LRP4: variants seen among roughly 807,000 people sequenced by gnomAD.
LRP4 encodes the protein low-density lipoprotein receptor-related protein 4.
In LRP4, 95 loss-of-function variants were observed where a neutral mutation model predicts 220.3. That is an observed-to-expected ratio of 0.43 (90% CI 0.37 to 0.51). LRP4 has a LOEUF of 0.51. Among genes scored for constraint, LRP4 ranks in the 20% least tolerant of loss-of-function variants. The pLI is 0.00. For missense variants in LRP4, 1,925 were observed against 2,567.0 expected (o/e 0.75, Z 5.40); for synonymous variants, 903 against 954.6 (o/e 0.95, Z 1.00).
intron 16 of LRP4, among the ~76,000 whole-genome samples, chr11:46,888,041 A>AAAAAG (rs1941336852): frequency 4.6e-5 from 6 of 131,100 alleles, no homozygotes; most frequent in African/African-American, 7.7e-5. Flanking sequence ...AAAAAAAAAA[A>AAAAAG]GGCCGGGGGC....
chr11:46,918,548 G>A lies in LRP4; in HGVS notation c.-169C>T, dbSNP rs1325341800. The A allele has an allele frequency of 6.8e-5, 18 of 263,050 alleles. No individual in the cohort carries two copies. The highest frequency in any genetic ancestry group is 3.9e-4 in the African/African-American group (17 of 43,462). The allele number at this position is 263,050 out of a possible 1,614,324, so 16.3% of individuals were successfully genotyped here. ...CGCCTCCAGTGCTGCCAGAGCCGAC[G>A]CTGCCCCGCCAGGGGACCGGGAGGG... On this transcript the variant is annotated 5_prime_UTR_variant, in exon 1 of 38. Coordinates refer to ENST00000378623, the MANE Select transcript of LRP4 (RefSeq NM_002334.4). The surrounding 1 kb of genome is among the most constrained non-coding windows in gnomAD (Gnocchi z 6.0).
rs767110056 is a variant in LRP4 at position 46,896,257 on chromosome 11, A to C, written c.1001T>G (p.Val334Gly). The C allele has an allele frequency of 8.7e-6, 14 of 1,613,916 alleles. No homozygotes were observed. Among genetic ancestry groups the C allele is most frequent in the Middle Eastern group, 1.6e-4 (1 of 6,084 alleles). The change falls in exon 9 of 38, where the codon GTC becomes GGC. Residue 334 changes from valine (V) to glycine (G), a missense_variant. By Grantham distance (109) the Val-to-Gly change is moderately radical. Around this residue, in one of 3 missense-constraint regions of LRP4, gnomAD observed 412 missense variants for 505.4 expected, o/e 0.82. Transcript: ENST00000378623. ...CIGQRKLCNGVNDCGDNSDES... is the reference protein window; with the variant it reads ...CIGQRKLCNGGNDCGDNSDES... The stretch of plus-strand genomic sequence containing the variant: ...GTCGCTGTTGTCACCACAGTCGTTG[A>C]CCCCGTTGCACAGCTTCCTCTGCCC...
intron 1 of LRP4, among the ~76,000 whole-genome samples, chr11:46,904,521 A>ATGGT (rs1238027594): frequency 6.6e-5 from 10 of 150,706 alleles, no homozygotes; most frequent in African/African-American, 2.4e-4. Flanking sequence ...GGATGGATGG[A>ATGGT]TGGATGGATG....
Position 46,883,860 on chromosome 11 carries a change from C to G in LRP4, c.2612+11G>C. The stretch of plus-strand genomic sequence containing the variant: ...GTGGATGGAGCTCATTCCCAAGGGG[C>G]AGCCACTCACCCGCCCATGGGTTCC... On this transcript the variant is annotated intron_variant, in intron 19 of 37. Coordinates refer to ENST00000378623, the MANE Select transcript of LRP4 (RefSeq NM_002334.4). 6.2e-7 allele frequency: 1 copy of G among 1,607,002 alleles called. No homozygotes were observed. The highest frequency in any genetic ancestry group is 8.5e-7 in the Non-Finnish European group (1 of 1,173,538).
intron 36 of LRP4, among the ~76,000 whole-genome samples, chr11:46,863,583 A>AC (rs1940614472): frequency 7.7e-6 from 1 of 130,168 alleles, no homozygotes; most frequent in Non-Finnish European, 1.6e-5. Flanking sequence ...TACTAAAAAT[A>AC]CAAAAAAAAA....
chr11:46,902,222 G>C (rs1941678861), intron 2 of LRP4, among the ~76,000 whole-genome samples: 1 of 151,814 alleles, frequency 6.6e-6, no homozygotes, highest in Non-Finnish European at 1.5e-5. Context: ...AGCTGGGCAT[G>C]GTGGCACATG....
At chr11:46,908,226 G>A (rs7102325) in intron 1 of LRP4, among the ~76,000 whole-genome samples, 29,489 of 152,058 alleles carry the variant, frequency 0.19, 5,242 homozygotes, top group African/African-American at 0.48. Flanking sequence ...CACTGCGCCT[G>A]GCCCCATCAT....
chr11:46,899,391 G>A lies in LRP4; in HGVS notation c.543C>T (p.Asn181=). 6.2e-7 allele frequency: 1 copy of A among 1,612,872 alleles called. No individual in the cohort carries two copies. Among genetic ancestry groups the A allele is most frequent in the Non-Finnish European group, 8.5e-7 (1 of 1,178,876 alleles). The change falls in exon 5 of 38, where the codon AAC becomes AAT. Residue 181 remains asparagine, a synonymous_variant. Transcript: ENST00000378623. The surrounding 1 kb of genome is among the most constrained non-coding windows in gnomAD (Gnocchi z 5.9). ...TDCKDGSDEE[N]CPSAVPAPPC... ...CTGAGGTCTGGGGCCACTCACGACA[G>A]TTCTCCTCATCGGAGCCATCTTTGC...
Position 46,881,871 on chromosome 11 carries a change from G to C in LRP4, c.2645C>G (p.Pro882Arg). 6.2e-7 allele frequency: 1 copy of C among 1,614,198 alleles called. No homozygotes were observed. Among genetic ancestry groups the C allele is most frequent in the East Asian group, 2.2e-5 (1 of 44,888 alleles). ...YMYWTDWGAS[P>R]KIERAGMDAS... The stretch of plus-strand genomic sequence containing the variant: ...ATCCATGCCAGCTCGTTCAATCTTG[G>C]GGCTCGCACCCCAGTCAGTCCAATA... Residue 882 changes from proline to arginine, a missense_variant, in exon 20 of 38, where the codon CCC (proline) becomes CGC (arginine). Around this residue, in one of 3 missense-constraint regions of LRP4, gnomAD observed 1,244 missense variants for 1,624.9 expected, o/e 0.77. Transcript: ENST00000378623.
Position 46,899,511 on chromosome 11 carries a change from G to T in LRP4, c.431-8C>A, listed in dbSNP as rs150531536. ...CGGAGCACTTGCGCATGTCTGGGGG[G>T]ATGCGATGGGACAGCAGTTCTGAGG... On this transcript the variant is annotated splice_polypyrimidine_tract_variant and splice_region_variant and intron_variant, in intron 4 of 37. Coordinates refer to ENST00000378623, the MANE Select transcript of LRP4 (RefSeq NM_002334.4). The surrounding 1 kb of genome is among the most constrained non-coding windows in gnomAD (Gnocchi z 5.9). 9 of 1,585,394 alleles carry T rather than the reference G, an allele frequency of 5.7e-6. No individual in the cohort carries two copies. The highest frequency in any genetic ancestry group is 1.1e-5 in the South Asian group (1 of 90,584).
chr11:46,881,844 G>A lies in LRP4; in HGVS notation c.2672C>T (p.Ala891Val). 6.2e-7 allele frequency: 1 copy of A among 1,614,174 alleles called. No homozygotes were observed. Among genetic ancestry groups the A allele is most frequent in the East Asian group, 2.2e-5 (1 of 44,888 alleles). The change falls in exon 20 of 38, where the codon GCC becomes GTC. Residue 891 changes from alanine (A) to valine (V), a missense_variant. Physicochemically the swap from Ala to Val is moderately conservative, Grantham distance 64 (BLOSUM62 0). Coordinates refer to ENST00000378623, the MANE Select transcript of LRP4 (RefSeq NM_002334.4). ...SPKIERAGMD[A>V]SGRQVIISSN... ...AGAGATAATGACTTGGCGGCCTGAGGCATCCATGCCAGCTCGTTCAATCTT... is the reference window on the plus strand; with the variant it reads ...AGAGATAATGACTTGGCGGCCTGAGACATCCATGCCAGCTCGTTCAATCTT...
At chr11:46,881,600 CTCCAA>C (rs1334673053) in intron 20 of LRP4, 97 bp downstream of exon 20, 1 of 1,125,780 alleles carries the variant, frequency 8.9e-7, no homozygotes, top group Non-Finnish European at 1.4e-6. Flanking sequence ...ATCCCCTTAT[CTCCAA>C]TCAGCTGCCA....
intron 1 of LRP4, among the ~76,000 whole-genome samples, chr11:46,912,451 A>G (rs1306947194): frequency 6.6e-6 from 1 of 152,206 alleles, no homozygotes; most frequent in African/African-American, 2.4e-5. Flanking sequence ...GGGAGCCTGT[A>G]GTTGAAACTT....
rs1940437988 is a variant in LRP4, at chr11:46,858,477, C to A, written c.*506G>T. 5.1e-6 allele frequency: 1 copy of A among 197,772 alleles called. No homozygotes were observed. 12.3% of individuals were successfully genotyped at this position (197,772 alleles called of 1,614,324 possible). A position where few individuals can be genotyped will look rare whatever the true frequency, so the allele number is the denominator to read the frequency against. ...GCTGGAGGTTTCCCAGATGCCCATA[C>A]CTGCTGGGCTGATTCTTCCTTCTTC... On this transcript the variant is annotated 3_prime_UTR_variant, in exon 38 of 38. Coordinates refer to ENST00000378623, the MANE Select transcript of LRP4 (RefSeq NM_002334.4).
rs1332447570 is a variant in LRP4, at chr11:46,883,606, A to G, written c.2612+265T>C. 2.0e-5 allele frequency among the ~76,000 whole-genome samples: 3 copies of G among 152,318 alleles called. No individual in the cohort carries two copies. In the East Asian group the frequency reaches 5.8e-4, roughly 29 times the overall value. On this transcript the variant is annotated intron_variant, in intron 19 of 37. Transcript: ENST00000378623. Reference sequence around the variant, plus strand: ...GGGTAAATCTCTGTTGGGGGCTCTCAGTTCTGAAGGCTGTGAGACCCCTGA... The same window carrying G: ...GGGTAAATCTCTGTTGGGGGCTCTCGGTTCTGAAGGCTGTGAGACCCCTGA...
At chr11:46,883,255 G>A (rs1766661482) in intron 19 of LRP4, among the ~76,000 whole-genome samples, 1 of 152,136 alleles carries the variant, frequency 6.6e-6, no homozygotes, top group Admixed American at 6.5e-5. Context: ...CCATAAACTG[G>A]CCCCCAAAAC....
Position 46,857,962 on chromosome 11 carries a change from G to C in LRP4, c.*1021C>G, listed in dbSNP as rs1195499022. ...CCTGGGTTTCCCAAGTCTCCAACCT[G>C]ATCGTTCTTTCTGACCATTTATGAC... On this transcript the variant is annotated 3_prime_UTR_variant, in exon 38 of 38. Coordinates refer to ENST00000378623, the MANE Select transcript of LRP4 (RefSeq NM_002334.4). The C allele has an allele frequency of 6.6e-6, 1 of 152,664 alleles. No homozygotes were observed. Among genetic ancestry groups the C allele is most frequent in the Non-Finnish European group, 1.5e-5 (1 of 68,062 alleles). The allele number at this position is 152,664 out of a possible 1,614,324, so 9.5% of individuals were successfully genotyped here.
At chr11:46,895,391 T>G (rs1447597900) in intron 10 of LRP4, 100 bp from the exon 11 acceptor site, 5 of 1,524,954 alleles carry the variant, frequency 3.3e-6, no homozygotes, top group South Asian at 1.1e-5. Context: ...CCCATCTACT[T>G]TCCAGGCCTA....
At chr11:46,884,239 T>C (rs772487514) in intron 18 of LRP4, among the ~76,000 whole-genome samples, 3 of 152,246 alleles carry the variant, frequency 2.0e-5, no homozygotes, top group Admixed American at 1.3e-4. Flanking sequence ...CAAACTTTAG[T>C]GTGCGTAAGA....
Sources: allele counts gnomAD v4.1 joint callset (sites outside exome capture counted in the v4.1 genomes callset), GRCh38; gene constraint gnomAD v4.1.1; regional missense constraint gnomAD v4.1.1; non-coding constraint Gnocchi (gnomAD v3.1); transcripts MANE v1.5; gene names NCBI Gene and HGNC (gene_info 2026-07-23, HGNC 2026-07-21).